Variants in FOXP2 observed in about 807,000 individuals in gnomAD.
The protein encoded by FOXP2 is forkhead box P2.
FOXP2 carries 12 observed loss-of-function variants against 115.8 expected under a neutral mutation model. The observed-to-expected ratio is 0.10, with a 90% CI of 0.07 to 0.17. The LOEUF is 0.17. FOXP2 is among the 10% of genes least tolerant of loss of function. The pLI is 1.00. For synonymous variants in FOXP2, 328 were observed against 297.7 expected (o/e 1.10, Z -1.05); for missense variants, 629 against 843.5 (o/e 0.75, Z 3.15).
intron 1 of FOXP2, among the ~76,000 whole-genome samples, chr7:114,262,719 T>A (rs1459134576): frequency 1.3e-5 from 2 of 152,216 alleles, no homozygotes; most frequent in African/African-American, 4.8e-5. Context: ...AATGCAGGTC[T>A]AGTGTAAGGC....
At chr7:114,596,104 G>C (rs1802686017) in intron 3 of FOXP2, among the ~76,000 whole-genome samples, 1 of 146,540 alleles carries the variant, frequency 6.8e-6, no homozygotes, top group Non-Finnish European at 1.5e-5. Flanking sequence ...AAAACACAGT[G>C]ATTAAAAATG....
In FOXP2 at chr7:114,219,690, A is replaced by G. The variant is rs145404277; in HGVS notation, c.-102+56602A>G. Among the ~76,000 whole-genome samples the G allele has an allele frequency of 1.2e-3, 188 of 152,042 alleles. 2 individuals carry two copies. Among genetic ancestry groups the G allele is most frequent in the Middle Eastern group, 3.4e-3 (1 of 292 alleles). ...TTTTAGTGAATATGATCCCTTTTTT[A>G]CTTCTCTAATTTGTTACCCCTCCAT... On this transcript the variant is annotated intron_variant, in intron 1 of 17. Transcript: ENST00000634411.
intron 1 of FOXP2, among the ~76,000 whole-genome samples, chr7:114,244,153 G>A (rs1166510890): frequency 6.6e-6 from 1 of 151,872 alleles, no homozygotes; most frequent in Non-Finnish European, 1.5e-5. Context: ...TTTGTTTCCG[G>A]TTTACAAAAA....
At chr7:114,551,355 C>T (rs1293158762) in intron 3 of FOXP2, among the ~76,000 whole-genome samples, 3 of 152,098 alleles carry the variant, frequency 2.0e-5, no homozygotes, top group Non-Finnish European at 4.4e-5. Context: ...GAATAATAAC[C>T]ATTCTTCTAA....
chr7:114,345,698 C>G (rs547617295), intron 2 of FOXP2, among the ~76,000 whole-genome samples: 2 of 151,520 alleles, frequency 1.3e-5, no homozygotes, highest in East Asian at 3.9e-4. Flanking sequence ...TATGACACTA[C>G]GCAAAATGAG....
intron 1 of FOXP2, among the ~76,000 whole-genome samples, chr7:114,223,227 G>A (rs1437179797): frequency 1.3e-5 from 2 of 151,986 alleles, no homozygotes; most frequent in Admixed American, 1.3e-4. Flanking sequence ...ACCAACACAT[G>A]TAAGTGTTCC....
intron 3 of FOXP2, among the ~76,000 whole-genome samples, chr7:114,600,280 C>T (rs1262977054): frequency 6.6e-6 from 1 of 152,146 alleles, no homozygotes; most frequent in Non-Finnish European, 1.5e-5. Context: ...CAATATGCAG[C>T]CTTTTCAAAT....
chr7:114,130,477 C>T (rs192934751), intron 1 of FOXP2, among the ~76,000 whole-genome samples: 1 of 152,080 alleles, frequency 6.6e-6, no homozygotes. Flanking sequence ...ATTGAGGAAA[C>T]AGAATTAGGA....
rs192862093 is a variant in FOXP2 at position 114,265,119 on chromosome 7, C to T, written c.-101-22900C>T. Among the ~76,000 whole-genome samples, 634 of 152,248 alleles carry T rather than the reference C, an allele frequency of 4.2e-3. 6 individuals are homozygous for T. Among genetic ancestry groups the T allele is most frequent in the African/African-American group, 0.015 (617 of 41,536 alleles). On this transcript the variant is annotated intron_variant, in intron 1 of 17. Coordinates refer to the FOXP2 transcript ENST00000634411. ...GCAATCATGCCTTTCCCAACAGTTCCCCAAAGTCTTAACTCATTTCAGCAT... is the reference window on the plus strand; with the variant it reads ...GCAATCATGCCTTTCCCAACAGTTCTCCAAAGTCTTAACTCATTTCAGCAT...
At chr7:114,123,140 C>T (rs1791612320) in intron 1 of FOXP2, among the ~76,000 whole-genome samples, 1 of 151,592 alleles carries the variant, frequency 6.6e-6, no homozygotes, top group Non-Finnish European at 1.5e-5. Flanking sequence ...AGCTTGAGAC[C>T]AAGAGTTTGA....
intron 16 of FOXP2, among the ~76,000 whole-genome samples, chr7:114,682,341 A>C (rs1054759473): frequency 9.2e-5 from 14 of 152,198 alleles, no homozygotes; most frequent in Non-Finnish European, 1.8e-4. Context: ...TAATCAAAAT[A>C]CTAAATACAT....
At chr7:114,651,729 A>T (rs888030800) in intron 8 of FOXP2, among the ~76,000 whole-genome samples, 5 of 152,196 alleles carry the variant, frequency 3.3e-5, no homozygotes, top group African/African-American at 1.2e-4. Flanking sequence ...TCCACGGGAG[A>T]TAATTTGCCA....
chr7:114,222,679 A>G (rs1294348752), intron 1 of FOXP2, among the ~76,000 whole-genome samples: 4 of 152,224 alleles, frequency 2.6e-5, no homozygotes, highest in Admixed American at 2.6e-4. Context: ...CTATTTCATG[A>G]TAAAGGAGTT....
chr7:114,245,605 T>C (rs1195872323), intron 1 of FOXP2, among the ~76,000 whole-genome samples: 2 of 152,204 alleles, frequency 1.3e-5, no homozygotes, highest in Non-Finnish European at 2.9e-5. Flanking sequence ...GATATGAATA[T>C]TGTTAGTGGT....
intron 1 of FOXP2, among the ~76,000 whole-genome samples, chr7:114,093,695 G>A (rs114693326): frequency 3.6e-4 from 54 of 151,654 alleles, no homozygotes; most frequent in African/African-American, 1.2e-3. Flanking sequence ...TTCGTTACTG[G>A]CAAAGTCATG....
Position 114,560,423 on chromosome 7 carries a change from T to C in FOXP2, c.258+25717T>C, listed in dbSNP as rs1012354505. Reference sequence around the variant, plus strand: ...GAGTTTGAGACCAGCCTGGCCAACATAGGGAAACCTAAAAATGTTAAAAAT... The same window carrying C: ...GAGTTTGAGACCAGCCTGGCCAACACAGGGAAACCTAAAAATGTTAAAAAT... On this transcript the variant is annotated intron_variant, in intron 3 of 16. Coordinates refer to ENST00000350908, the MANE Select transcript of FOXP2 (RefSeq NM_014491.4). Among the ~76,000 whole-genome samples the C allele has an allele frequency of 2.6e-5, 4 of 152,040 alleles. No individual in the cohort carries two copies. In the South Asian group the frequency reaches 6.2e-4, roughly 24 times the overall value.
chr7:114,632,794 C>G (rs1446626006), intron 6 of FOXP2, among the ~76,000 whole-genome samples: 2 of 151,668 alleles, frequency 1.3e-5, no homozygotes, highest in Admixed American at 6.6e-5. Flanking sequence ...GTTTAAATAG[C>G]AAAAGAAAAA....
intron 2 of FOXP2, among the ~76,000 whole-genome samples, chr7:114,493,997 T>G (rs1797191887): frequency 6.6e-6 from 1 of 152,124 alleles, no homozygotes; most frequent in Non-Finnish European, 1.5e-5. Context: ...CAGTTCTTCT[T>G]TCTATGCTGT....
chr7:114,093,576 A>G (rs998506912), intron 1 of FOXP2, among the ~76,000 whole-genome samples: 3 of 152,100 alleles, frequency 2.0e-5, no homozygotes, highest in Non-Finnish European at 4.4e-5. Context: ...TAGGAGGCCA[A>G]AGAAGTTACT....
Sources: allele counts gnomAD v4.1 joint callset (sites outside exome capture counted in the v4.1 genomes callset), GRCh38; gene constraint gnomAD v4.1.1; transcripts MANE v1.5; gene names NCBI Gene and HGNC (gene_info 2026-07-23, HGNC 2026-07-21).